The following LRP1B variants were observed in gnomAD, a reference collection of about 807,000 sequenced individuals.
LRP1B encodes the protein LDL receptor related protein 1B, also known as low-density lipoprotein receptor-related protein 1B.
LRP1B carries 217 observed loss-of-function variants against 556.6 expected under a neutral mutation model. That is an observed-to-expected ratio of 0.39 (90% CI 0.35 to 0.44). The LOEUF (loss-of-function observed/expected upper bound fraction) is 0.44, where lower values mean the gene tolerates loss of function less well. Ranked by LOEUF, LRP1B falls within the 20% of genes least tolerant of loss-of-function variation. LRP1B has a pLI of 1.00. For missense variants in LRP1B, 5,053 were observed against 5,620.8 expected, an observed-to-expected ratio of 0.90 and a Z score of 3.23; for synonymous variants, 2,047 against 1,865.8, an observed-to-expected ratio of 1.10 and a Z score of -2.50.
chr2:141,440,462 G>T (rs1680920907), intron 3 of LRP1B, among the ~76,000 whole-genome samples: 1 of 152,204 alleles, frequency 6.6e-6, no homozygotes, highest in Admixed American at 6.5e-5. Flanking sequence ...CGGCTCCAAG[G>T]GGACCCAGCT....
chr2:142,119,964 T>C (rs1353001497), intron 1 of LRP1B, among the ~76,000 whole-genome samples: 4 of 152,206 alleles, frequency 2.6e-5, no homozygotes, highest in Admixed American at 1.3e-4. Flanking sequence ...TGTCAGGCAC[T>C]ACAATGTTTA....
intron 3 of LRP1B, among the ~76,000 whole-genome samples, chr2:141,468,258 C>T (rs75294833): frequency 0.012 from 1,883 of 152,116 alleles, 33 homozygotes; most frequent in African/African-American, 0.042. Context: ...AAGTCATTGG[C>T]GGAAAGGAGG....
intron 2 of LRP1B, among the ~76,000 whole-genome samples, chr2:141,613,505 A>T (rs901523755): frequency 8.5e-5 from 13 of 152,146 alleles, no homozygotes; most frequent in Admixed American, 8.5e-4. Flanking sequence ...ATAGATTTTG[A>T]TAATTCTGGA....
chr2:141,440,490 G>A (rs181475399), intron 3 of LRP1B, among the ~76,000 whole-genome samples: 6 of 152,306 alleles, frequency 3.9e-5, no homozygotes, highest in Non-Finnish European at 5.9e-5. Context: ...CAGCAACCAG[G>A]GTATCCGGGC....
intron 3 of LRP1B, among the ~76,000 whole-genome samples, chr2:141,386,246 C>A (rs1689831118): frequency 6.6e-6 from 1 of 151,906 alleles, no homozygotes; most frequent in Admixed American, 6.6e-5. Context: ...CTTTAAAATC[C>A]CCCCCAAAAA....
At chr2:141,196,598 T>C (rs75522193) in intron 6 of LRP1B, among the ~76,000 whole-genome samples, 216 of 152,242 alleles carry the variant, frequency 1.4e-3, no homozygotes, top group African/African-American at 5.0e-3. Context: ...TTTTTAGAGT[T>C]AGAGTTAATT....
intron 1 of LRP1B, among the ~76,000 whole-genome samples, chr2:142,071,370 G>A (rs1705303723): frequency 6.6e-6 from 1 of 151,856 alleles, no homozygotes; most frequent in African/African-American, 2.4e-5. Context: ...CATAACCAGA[G>A]GGTGATGTCA....
intron 2 of LRP1B, among the ~76,000 whole-genome samples, chr2:141,565,122 C>T (rs542951044): frequency 1.6e-4 from 25 of 152,188 alleles, no homozygotes; most frequent in African/African-American, 5.5e-4. Context: ...TTGTTATTTA[C>T]ATTTGTGAAT....
At chr2:141,799,237 C>T (rs35085767) in intron 2 of LRP1B, among the ~76,000 whole-genome samples, 64,859 of 151,846 alleles carry the variant, frequency 0.43, 14,122 homozygotes, top group Middle Eastern at 0.52. Flanking sequence ...AAGCTGTGAG[C>T]ATAATGTGAT....
chr2:140,661,935 T>G (rs1376230919), intron 41 of LRP1B, among the ~76,000 whole-genome samples: 2 of 152,206 alleles, frequency 1.3e-5, no homozygotes, highest in Non-Finnish European at 2.9e-5. Context: ...ACAATTTATC[T>G]AATTGAAACA....
At chr2:141,810,675 T>C (rs1043354854) in intron 1 of LRP1B, among the ~76,000 whole-genome samples, 2 of 152,154 alleles carry the variant, frequency 1.3e-5, no homozygotes, top group South Asian at 2.1e-4. Flanking sequence ...CTAGGGGCTT[T>C]ATCGGATCAA....
chr2:140,257,694 T>C (rs1297886180), intron 86 of LRP1B, among the ~76,000 whole-genome samples: 2 of 152,168 alleles, frequency 1.3e-5, no homozygotes, highest in African/African-American at 4.8e-5. Flanking sequence ...CCAAAAGACA[T>C]GCACATTTCA....
chr2:141,379,563 T>A (rs1373360231), intron 3 of LRP1B, among the ~76,000 whole-genome samples: 1 of 152,054 alleles, frequency 6.6e-6, no homozygotes, highest in Non-Finnish European at 1.5e-5. Context: ...GAAAAGCTGA[T>A]CATAAACCTC....
chr2:140,315,708 T>TA (rs1684491182), intron 82 of LRP1B, among the ~76,000 whole-genome samples: 1 of 152,186 alleles, frequency 6.6e-6, no homozygotes, highest in Non-Finnish European at 1.5e-5. Context: ...TAGTTGCTAT[T>TA]AAAAAAGAAA....
intron 2 of LRP1B, among the ~76,000 whole-genome samples, chr2:141,562,662 C>A (rs10182090): frequency 0.31 from 47,441 of 151,662 alleles, 7,745 homozygotes; most frequent in South Asian, 0.45. Flanking sequence ...GGCTTCACTC[C>A]GTAAAACAAA....
At chr2:141,920,115 T>C (rs1700143586) in intron 1 of LRP1B, among the ~76,000 whole-genome samples, 1 of 151,926 alleles carries the variant, frequency 6.6e-6, no homozygotes. Context: ...ATGTGTTTCC[T>C]CAGTACCAAT....
At chr2:140,540,909 T>A in intron 45 of LRP1B, 64 bp downstream of exon 45, 1 of 1,523,580 alleles carries the variant, frequency 6.6e-7, no homozygotes, top group South Asian at 1.2e-5. Flanking sequence ...CTAACACAAT[T>A]TCAGTGATGT....
intron 2 of LRP1B, among the ~76,000 whole-genome samples, chr2:141,526,875 T>C (rs1684709253): frequency 6.6e-6 from 1 of 152,080 alleles, no homozygotes; most frequent in Non-Finnish European, 1.5e-5. Flanking sequence ...TTTAGATAAA[T>C]TAAAATTGTG....
intron 32 of LRP1B, among the ~76,000 whole-genome samples, chr2:140,810,194 T>C (rs1292958865): frequency 8.3e-6 from 1 of 119,862 alleles, no homozygotes; most frequent in African/African-American, 2.6e-5. Flanking sequence ...GTGCAAAGTG[T>C]TCAAAGAGAT....
Sources: gnomAD v4.1 joint callset for allele counts (sites outside exome capture counted in the v4.1 genomes callset) on GRCh38, gnomAD v4.1.1 for gene constraint, MANE v1.5 for transcripts, NCBI Gene and HGNC (gene_info 2026-07-23, HGNC 2026-07-21) for gene names.